EYS: variants seen among roughly 807,000 people sequenced by gnomAD.
The protein encoded by EYS is protein eyes shut homolog.
EYS carries 250 observed loss-of-function variants against 282.1 expected under a neutral mutation model. The ratio of observed to expected loss-of-function variants is 0.89; its 90% CI spans 0.80 to 0.98. EYS has a LOEUF of 0.98. Ranked by LOEUF, EYS falls within the 50% of genes least tolerant of loss-of-function variation. EYS has a pLI of 0.00. For synonymous variants in EYS, 1,355 were observed against 1,282.9 expected (o/e 1.06, Z -1.20); for missense variants, 4,016 against 3,709.0 (o/e 1.08, Z -2.15).
intron 22 of EYS, among the ~76,000 whole-genome samples, chr6:64,647,348 A>G (rs1265777351): frequency 6.6e-6 from 1 of 152,172 alleles, no homozygotes; most frequent in Non-Finnish European, 1.5e-5. Flanking sequence ...TAACACACAC[A>G]CACATATTGA....
intron 29 of EYS, among the ~76,000 whole-genome samples, chr6:64,381,047 A>T (rs1461593004): frequency 6.6e-6 from 1 of 152,010 alleles, no homozygotes; most frequent in East Asian, 1.9e-4. Flanking sequence ...ATTACAACAC[A>T]GATATTACAT....
At chr6:63,877,361 C>T (rs1049956407) in intron 35 of EYS, among the ~76,000 whole-genome samples, 1 of 152,174 alleles carries the variant, frequency 6.6e-6, no homozygotes, top group African/African-American at 2.4e-5. Context: ...ATGGGCTTCC[C>T]TTTGTAGGTA....
chr6:64,439,265 A>T lies in EYS; in HGVS notation c.5732T>A (p.Phe1911Tyr). ...LNPQNNISLE[F>Y]QTFSSYGLLL... is the part of the protein sequence containing the mutation. The stretch of plus-strand genomic sequence containing the variant: ...AAGTCCATAGGAGCTGAAGGTCTGA[A>T]ATTCTAGGGAGATGTTATTTTGTGG... Residue 1911 changes from phenylalanine (F) to tyrosine (Y), a missense_variant, in exon 27 of 43, where the codon TTT becomes TAT. By Grantham distance (22) the Phe-to-Tyr change is conservative. Coordinates refer to ENST00000503581, the MANE Select transcript of EYS (RefSeq NM_001142800.2). 1 of 1,517,446 alleles carries T rather than the reference A, an allele frequency of 6.6e-7. No homozygotes were observed. Among genetic ancestry groups the T allele is most frequent in the Non-Finnish European group, 8.8e-7 (1 of 1,132,514 alleles). 94.0% of individuals were successfully genotyped at this position (1,517,446 alleles called of 1,614,324 possible). A position where few individuals can be genotyped will look rare whatever the true frequency, so the allele number is the denominator to read the frequency against.
chr6:64,610,748 A>C (rs532186822), intron 24 of EYS, among the ~76,000 whole-genome samples: 1 of 152,282 alleles, frequency 6.6e-6, no homozygotes, highest in African/African-American at 2.4e-5. Context: ...TGCCATAATA[A>C]AATGTAAGGC....
At chr6:65,167,549 G>A (rs1765002801) in intron 12 of EYS, among the ~76,000 whole-genome samples, 1 of 150,932 alleles carries the variant, frequency 6.6e-6, no homozygotes, top group Non-Finnish European at 1.5e-5. Flanking sequence ...AATGCCCAGG[G>A]GACTATATAG....
intron 26 of EYS, among the ~76,000 whole-genome samples, chr6:64,536,355 C>T (rs1222167812): frequency 6.6e-6 from 1 of 152,070 alleles, no homozygotes; most frequent in Non-Finnish European, 1.5e-5. Flanking sequence ...AGATCATTCA[C>T]CTTAACTGTC....
At chr6:63,945,413 T>C (rs1765367272) in intron 35 of EYS, among the ~76,000 whole-genome samples, 1 of 152,110 alleles carries the variant, frequency 6.6e-6, no homozygotes, top group South Asian at 2.1e-4. Context: ...GGAACTACCA[T>C]TCAAGATGAG....
At chr6:65,311,133 G>T (rs1034081199) in intron 11 of EYS, among the ~76,000 whole-genome samples, 15 of 151,966 alleles carry the variant, frequency 9.9e-5, no homozygotes, top group Non-Finnish European at 1.8e-4. Flanking sequence ...TAGCCAAAAG[G>T]CCGAGAAGCG....
chr6:64,688,451 A>T (rs1423844078), intron 22 of EYS, among the ~76,000 whole-genome samples: 1 of 152,174 alleles, frequency 6.6e-6, no homozygotes, highest in Non-Finnish European at 1.5e-5. Context: ...TTCAAAGAAC[A>T]TCTTTATTTC....
At chr6:63,890,457 C>T (rs557145393) in intron 35 of EYS, among the ~76,000 whole-genome samples, 1 of 152,328 alleles carries the variant, frequency 6.6e-6, no homozygotes, top group Admixed American at 6.5e-5. Flanking sequence ...CTCAAAACCA[C>T]ACAACCACAT....
intron 31 of EYS, among the ~76,000 whole-genome samples, chr6:64,191,476 T>TCCCCCC (rs542212151): frequency 5.7e-5 from 8 of 139,154 alleles, no homozygotes; most frequent in East Asian, 2.3e-4. Flanking sequence ...GTGCTATCCC[T>TCCCCCC]TCCCCCCCCA....
At chr6:63,995,035 CA>C (rs1767772863) in intron 34 of EYS, among the ~76,000 whole-genome samples, 1 of 151,372 alleles carries the variant, frequency 6.6e-6, no homozygotes, top group Non-Finnish European at 1.5e-5. Context: ...GGACCTATGT[CA>C]AAAAAAGCTT....
intron 19 of EYS, among the ~76,000 whole-genome samples, chr6:64,863,133 T>C (rs758637543): frequency 2.6e-5 from 4 of 152,170 alleles, no homozygotes; most frequent in Non-Finnish European, 5.9e-5. Context: ...ATACATATTT[T>C]TAACTTTTTC....
chr6:64,522,244 T>C (rs1777767790), intron 26 of EYS, among the ~76,000 whole-genome samples: 1 of 151,780 alleles, frequency 6.6e-6, no homozygotes, highest in East Asian at 1.9e-4. Context: ...GAAACATAGT[T>C]TCATTTTATG....
intron 8 of EYS, among the ~76,000 whole-genome samples, chr6:65,378,509 T>G (rs547495950): frequency 6.6e-6 from 1 of 152,246 alleles, no homozygotes; most frequent in African/African-American, 2.4e-5. Flanking sequence ...AGAAATAACA[T>G]TTGACCCAGC....
chr6:64,190,398 A>C (rs1203663102), intron 31 of EYS, among the ~76,000 whole-genome samples: 1 of 152,180 alleles, frequency 6.6e-6, no homozygotes. Context: ...GTGGGTAATT[A>C]TATCAATTAA....
chr6:65,698,704 C>G (rs180820756), intron 1 of EYS, among the ~76,000 whole-genome samples: 1 of 152,136 alleles, frequency 6.6e-6, no homozygotes, highest in Non-Finnish European at 1.5e-5. Context: ...AAAACATTTA[C>G]CATGCTGCAG....
At chr6:64,006,658 T>C (rs1344786688) in intron 33 of EYS, among the ~76,000 whole-genome samples, 5 of 152,166 alleles carry the variant, frequency 3.3e-5, no homozygotes, top group South Asian at 4.1e-4. Flanking sequence ...TTGAAGTATG[T>C]TTCTTCAATG....
intron 2 of EYS, among the ~76,000 whole-genome samples, chr6:65,628,347 G>A (rs930867414): frequency 3.9e-5 from 6 of 151,994 alleles, no homozygotes; most frequent in Admixed American, 6.6e-5. Context: ...GATTGTAAAC[G>A]CACCAATCAG....
Sources: allele counts gnomAD v4.1 joint callset (sites outside exome capture counted in the v4.1 genomes callset), GRCh38; gene constraint gnomAD v4.1.1; transcripts MANE v1.5; gene names NCBI Gene and HGNC (gene_info 2026-07-23, HGNC 2026-07-21).